Variants in CD300LD observed in about 807,000 individuals in gnomAD.
CD300LD encodes the protein CD300 molecule like family member d, also known as CMRF35-like molecule 5.
CD300LD carries 18 observed loss-of-function variants against 20.3 expected under a neutral mutation model. The observed-to-expected ratio is 0.89, with a 90% CI of 0.61 to 1.32. CD300LD has a LOEUF of 1.32. CD300LD is among the 40% of genes most tolerant of loss of function. The probability of loss-of-function intolerance (pLI) is 0.00; values close to 1 mark genes in which losing one functional copy is unlikely to be tolerated. For synonymous variants in CD300LD, 104 were observed against 90.1 expected, an observed-to-expected ratio of 1.15 and a Z score of -0.87; for missense variants, 195 against 226.6, an observed-to-expected ratio of 0.86 and a Z score of 0.90.
chr17:74,584,291 C>T (rs1719496), intron 2 of CD300LD, among the ~76,000 whole-genome samples: 2,726 of 152,278 alleles, frequency 0.018, 82 homozygotes, highest in African/African-American at 0.063. Context: ...TGCATTCCCA[C>T]CTGCAGGGTA....
rs2030049198 is a variant in CD300LD at position 74,582,152 on chromosome 17, C to A, written c.473+66G>T. On this transcript the variant is annotated intron_variant, in intron 3 of 3. Coordinates refer to ENST00000375352, the MANE Select transcript of CD300LD (RefSeq NM_001115152.2). Reference sequence around the variant, plus strand: ...GGCATGCTATTGTTGTATCTGGCAACCCCTGTTAGAGGAGAGGCCATGGGG... The same window carrying A: ...GGCATGCTATTGTTGTATCTGGCAAACCCTGTTAGAGGAGAGGCCATGGGG... 2.3e-6 allele frequency: 3 copies of A among 1,299,918 alleles called. No individual in the cohort carries two copies. In the East Asian group the frequency reaches 7.1e-5, roughly 31 times the overall value. 80.5% of individuals were successfully genotyped at this position (1,299,918 alleles called of 1,614,324 possible).
chr17:74,590,336 G>A (rs2030278966), intron 1 of CD300LD, among the ~76,000 whole-genome samples: 1 of 151,908 alleles, frequency 6.6e-6, no homozygotes, highest in Non-Finnish European at 1.5e-5. Flanking sequence ...CTCAGTCTCG[G>A]GTATGTCCTT....
At chr17:74,591,291 A>G (rs2030312584) in intron 1 of CD300LD, among the ~76,000 whole-genome samples, 1 of 148,796 alleles carries the variant, frequency 6.7e-6, no homozygotes, top group South Asian at 2.1e-4. Flanking sequence ...AATAATAATA[A>G]TCTATTTTAA....
chr17:74,578,883 G>T (rs945262325), downstream of CD300LD, among the ~76,000 whole-genome samples: 1 of 152,094 alleles, frequency 6.6e-6, no homozygotes, highest in Non-Finnish European at 1.5e-5. Flanking sequence ...CCAGGCAGGC[G>T]GTACTGAGGA....
At chr17:74,580,712 G>A (rs1293898198) in intron 3 of CD300LD, among the ~76,000 whole-genome samples, 1 of 151,906 alleles carries the variant, frequency 6.6e-6, no homozygotes, top group African/African-American at 2.4e-5. Context: ...TCCCAACTTG[G>A]GCCTTCGTTG....
intron 1 of CD300LD, chr17:74,591,935 C>T: frequency 7.8e-7 from 1 of 1,277,770 alleles, no homozygotes; most frequent in East Asian, 2.5e-5. Context: ...AACCACTGTT[C>T]CAACAAGAAG....
chr17:74,590,189 C>A (rs2030272808), intron 1 of CD300LD, among the ~76,000 whole-genome samples: 1 of 152,142 alleles, frequency 6.6e-6, no homozygotes, highest in African/African-American at 2.4e-5. Context: ...TAATGGGAAA[C>A]CTCTTTCACT....
chr17:74,585,042 C>T (rs2030124877), intron 2 of CD300LD: 1 of 152,188 alleles, frequency 6.6e-6, no homozygotes, highest in Non-Finnish European at 1.5e-5. Context: ...ATAAGGGTAA[C>T]ATGGGGCAGA....
chr17:74,587,862 T>A (rs1172591366), intron 2 of CD300LD, among the ~76,000 whole-genome samples: 3 of 151,296 alleles, frequency 2.0e-5, no homozygotes, highest in Non-Finnish European at 4.4e-5. Flanking sequence ...AAAAAAAAAA[T>A]GTGCCTAGAA....
At chr17:74,581,000 G>C (rs941167636) in intron 3 of CD300LD, among the ~76,000 whole-genome samples, 8 of 151,970 alleles carry the variant, frequency 5.3e-5, no homozygotes, top group African/African-American at 1.9e-4. Flanking sequence ...GGTATTTGGG[G>C]GAGATGGAGG....
rs531573744 is a variant in CD300LD at position 74,586,398 on chromosome 17, A to C, written c.379+2113T>G. On this transcript the variant is annotated intron_variant, in intron 2 of 3. Transcript: ENST00000375352. The stretch of plus-strand genomic sequence containing the variant: ...GACCTTTGGGCAGAAGGGATCTTAT[A>C]ATGCAGCCCCCCACCCCAGAAAAAA... Among the ~76,000 whole-genome samples, 11 of 152,332 alleles carry C rather than the reference A, an allele frequency of 7.2e-5. No homozygotes were observed. In the South Asian group the frequency reaches 2.3e-3, roughly 32 times the overall value.
intron 2 of CD300LD, among the ~76,000 whole-genome samples, chr17:74,583,956 G>A (rs1415987500): frequency 6.6e-6 from 1 of 151,846 alleles, no homozygotes; most frequent in African/African-American, 2.4e-5. Context: ...GTTTTGTCAT[G>A]TTGGCTAGGC....
At chr17:74,582,468 A>C (rs561631603) in intron 2 of CD300LD, among the ~76,000 whole-genome samples, 157 bp from the exon 3 acceptor site, 3 of 152,320 alleles carry the variant, frequency 2.0e-5, no homozygotes, top group Non-Finnish European at 4.4e-5. Context: ...TTATCTTCTA[A>C]AGAGAAGTTA....
At position 74,591,817 on chromosome 17, in the gene CD300LD, CAAA is replaced by C. The variant is rs140652199; in HGVS notation, c.40+343_40+345del. Among the ~76,000 whole-genome samples the C allele has an allele frequency of 9.0e-3, 1,193 of 132,120 alleles. 9 individuals are homozygous for C. Among genetic ancestry groups the C allele is most frequent in the Middle Eastern group, 0.02 (5 of 250 alleles). 86.7% of individuals were successfully genotyped at this position (132,120 alleles called of 152,430 possible). Reference sequence around the variant, plus strand: ...TGGGTGACAGAGCGAGACACCAGCTCAAAAAAAAAAAAAAAAAAAAGTTCTTCA... The same window carrying C: ...TGGGTGACAGAGCGAGACACCAGCTCAAAAAAAAAAAAAAAAAGTTCTTCA... On this transcript the variant is annotated intron_variant, in intron 1 of 3. Transcript: ENST00000375352.
chr17:74,582,910 G>C (rs2030069907), intron 2 of CD300LD, among the ~76,000 whole-genome samples: 1 of 152,168 alleles, frequency 6.6e-6, no homozygotes, highest in South Asian at 2.1e-4. Context: ...TGTGTGTAGT[G>C]AGTTTTGATA....
chr17:74,590,830 A>G (rs1470988116), intron 1 of CD300LD: 1 of 152,146 alleles, frequency 6.6e-6, no homozygotes, highest in Non-Finnish European at 1.5e-5. Context: ...GTAATATAAC[A>G]ACTTTGGGAG....
At chr17:74,591,258 AAAAAAAT>A (rs2030307170) in intron 1 of CD300LD, among the ~76,000 whole-genome samples, 1 of 98,516 alleles carries the variant, frequency 1.0e-5, no homozygotes, top group Non-Finnish European at 2.3e-5. Context: ...TACAAAAAAA[AAAAAAAT>A]AAAAATAATA....
intron 2 of CD300LD, among the ~76,000 whole-genome samples, chr17:74,584,146 G>A (rs917286174): frequency 6.6e-6 from 1 of 152,106 alleles, no homozygotes; most frequent in Non-Finnish European, 1.5e-5. Flanking sequence ...TTCACATACA[G>A]GTCTCTGTGT....
At chr17:74,585,725 G>A (rs1212458286) in intron 2 of CD300LD, among the ~76,000 whole-genome samples, 1 of 152,172 alleles carries the variant, frequency 6.6e-6, no homozygotes, top group East Asian at 1.9e-4. Context: ...TCTATATTTG[G>A]TGCTATGCGC....
Sources: allele counts gnomAD v4.1 joint callset (sites outside exome capture counted in the v4.1 genomes callset), GRCh38; gene constraint gnomAD v4.1.1; transcripts MANE v1.5; gene names NCBI Gene and HGNC (gene_info 2026-07-23, HGNC 2026-07-21).